Variants in DMD observed in about 807,000 individuals in gnomAD.
DMD encodes mutant dystrophin.
Under a neutral mutation model 330.1 loss-of-function variants are expected in DMD, and 63 were observed. That is an observed-to-expected ratio of 0.19 (90% CI 0.16 to 0.24). The LOEUF (loss-of-function observed/expected upper bound fraction) is 0.24, where lower values mean the gene tolerates loss of function less well. Among genes scored for constraint, DMD ranks in the 10% least tolerant of loss-of-function variants. DMD has a pLI of 1.00. For missense variants in DMD, 3,344 were observed against 2,684.1 expected, an observed-to-expected ratio of 1.25 and a Z score of -5.43; for synonymous variants, 1,223 against 959.8, an observed-to-expected ratio of 1.27 and a Z score of -5.07.
chrX:32,876,944 T>A (rs2149175928), intron 2 of DMD, among the ~76,000 whole-genome samples: 1 of 112,369 alleles, frequency 8.9e-6, no homozygotes, highest in East Asian at 2.8e-4. Context: ...AAAATTATAT[T>A]CTGTCAAATG....
intron 44 of DMD, among the ~76,000 whole-genome samples, chrX:32,175,413 G>A (rs1391092749): frequency 9.0e-6 from 1 of 110,885 alleles, no homozygotes; most frequent in Non-Finnish European, 1.9e-5. Flanking sequence ...GGGACAGTAA[G>A]GGAATAAAAG....
chrX:31,985,213 T>C (rs1014584916), intron 44 of DMD, among the ~76,000 whole-genome samples: 3 of 112,140 alleles, frequency 2.7e-5, no homozygotes, highest in African/African-American at 9.7e-5. Flanking sequence ...ATTTAGCATA[T>C]AAAGGTAACT....
chrX:32,319,085 C>T (rs1424521610), intron 41 of DMD, among the ~76,000 whole-genome samples: 1 of 111,379 alleles, frequency 9.0e-6, no homozygotes, highest in Admixed American at 9.6e-5. Context: ...TAAAGTCTTT[C>T]GTTTCAAAGG....
intron 1 of DMD, among the ~76,000 whole-genome samples, chrX:33,218,266 C>T (rs780548878): frequency 3.6e-5 from 4 of 111,132 alleles, no homozygotes; most frequent in African/African-American, 1.3e-4. Context: ...TCTCTATATC[C>T]ATGAGTTTTA....
intron 41 of DMD, among the ~76,000 whole-genome samples, chrX:32,329,565 G>A (rs1201237238): frequency 1.8e-5 from 2 of 112,065 alleles, no homozygotes; most frequent in African/African-American, 6.5e-5. Flanking sequence ...GTGTATCTAC[G>A]AAGCAAGAAA....
chrX:32,580,645 G>T (rs1321651442), intron 13 of DMD, among the ~76,000 whole-genome samples: 2 of 111,883 alleles, frequency 1.8e-5, no homozygotes, highest in Non-Finnish European at 1.9e-5. Flanking sequence ...TATTCCAGAT[G>T]TGATAAATCT....
intron 57 of DMD, among the ~76,000 whole-genome samples, chrX:31,483,699 A>G (rs2068562533): frequency 8.9e-6 from 1 of 112,450 alleles, no homozygotes; most frequent in South Asian, 3.7e-4. Flanking sequence ...GGGTTAAGTG[A>G]TTGTATCTTT....
intron 48 of DMD, among the ~76,000 whole-genome samples, chrX:31,852,780 C>A (rs891869540): frequency 3.6e-5 from 4 of 111,888 alleles, no homozygotes; most frequent in Non-Finnish European, 7.5e-5. Context: ...ATAAAAAATA[C>A]AGGGGTATTT....
chrX:32,873,535 G>GAGT (rs1000599573), intron 2 of DMD, among the ~76,000 whole-genome samples: 1 of 111,513 alleles, frequency 9.0e-6, no homozygotes, highest in Non-Finnish European at 1.9e-5. Flanking sequence ...AAGTAGCCAT[G>GAGT]AGTACATCAA....
intron 55 of DMD, among the ~76,000 whole-genome samples, chrX:31,605,084 G>A (rs772304412): frequency 2.8e-4 from 31 of 111,771 alleles, no homozygotes; most frequent in South Asian, 7.5e-4. Context: ...TTAGAATGTC[G>A]CTCTCAGCCA....
chrX:32,085,775 T>A (rs868445082), intron 44 of DMD, among the ~76,000 whole-genome samples: 2 of 109,573 alleles, frequency 1.8e-5, no homozygotes, highest in African/African-American at 6.6e-5. Flanking sequence ...TCTATATTTA[T>A]CAAACTGTGC....
chrX:31,978,856 C>T (rs2095456333), intron 44 of DMD, among the ~76,000 whole-genome samples: 1 of 111,593 alleles, frequency 9.0e-6, no homozygotes, highest in Non-Finnish European at 1.9e-5. Context: ...CGTGTTGCTA[C>T]CTGGCAGTGC....
In DMD at chrX:31,191,350, A is replaced by G. The variant is rs188745720; in HGVS notation, c.9808-8446T>C. On this transcript the variant is annotated intron_variant, in intron 67 of 78. Transcript: ENST00000357033. ...GACAGAAAAAGGTAAATTTATGGAA[A>G]ACATTGTGGGCAAACCACAGATTTT... 4.7e-3 allele frequency among the ~76,000 whole-genome samples: 531 copies of G among 112,124 alleles called. 7 individuals carry two copies. The highest frequency in any genetic ancestry group is 0.013 in the Admixed American group (135 of 10,586).
chrX:32,746,778 G>C (rs2070074263), intron 7 of DMD, among the ~76,000 whole-genome samples: 1 of 111,306 alleles, frequency 9.0e-6, no homozygotes, highest in Admixed American at 9.6e-5. Context: ...TTACCTTACA[G>C]TGCTTTAGAA....
chrX:32,314,499 T>C (rs1437680663), intron 41 of DMD, among the ~76,000 whole-genome samples: 11 of 111,452 alleles, frequency 9.9e-5, no homozygotes, highest in African/African-American at 3.6e-4. Context: ...AAAGACTTCA[T>C]GACTAAAACA....
intron 41 of DMD, among the ~76,000 whole-genome samples, chrX:32,331,042 T>C (rs748272749): frequency 8.9e-6 from 1 of 111,941 alleles, no homozygotes. Context: ...CCTAATTTTA[T>C]AGGATCTTAG....
chrX:32,453,616 T>C (rs1409221628), intron 26 of DMD, among the ~76,000 whole-genome samples: 1 of 110,718 alleles, frequency 9.0e-6, no homozygotes, highest in Admixed American at 9.6e-5. Flanking sequence ...CATGGTCATT[T>C]ATACTGTGCT....
At chrX:32,525,190 T>C (rs1312010805) in intron 17 of DMD, among the ~76,000 whole-genome samples, 2 of 112,058 alleles carry the variant, frequency 1.8e-5, no homozygotes, top group African/African-American at 6.5e-5. Flanking sequence ...CCATTTGGAC[T>C]TCTTCCTTCA....
In DMD at chrX:32,011,337, G is replaced by T. The variant is rs1054134020; in HGVS notation, c.6439-42823C>A. On this transcript the variant is annotated intron_variant, in intron 44 of 78. Coordinates refer to ENST00000357033, the MANE Select transcript of DMD (RefSeq NM_004006.3). ...ATCTTTGTGCATGAAGGGATCTAGA[G>T]AAAAACTATATTATTCCTGTTTTTT... 4.5e-5 allele frequency among the ~76,000 whole-genome samples: 5 copies of T among 111,349 alleles called. No individual in the cohort carries two copies. The Admixed American group carries it at 4.8e-4, about 11-fold the overall frequency.
Sources: gnomAD v4.1 joint callset for allele counts (sites outside exome capture counted in the v4.1 genomes callset) on GRCh38, gnomAD v4.1.1 for gene constraint, MANE v1.5 for transcripts, NCBI Gene and HGNC (gene_info 2026-07-23, HGNC 2026-07-21) for gene names.